UBR1: variants seen among roughly 807,000 people sequenced by gnomAD.
UBR1 encodes the protein E3 ubiquitin-protein ligase UBR1.
UBR1 carries 102 observed loss-of-function variants against 242.1 expected under a neutral mutation model. That is an observed-to-expected ratio of 0.42 (90% CI 0.36 to 0.50). UBR1 has a LOEUF of 0.50. Ranked by LOEUF, UBR1 falls within the 20% of genes least tolerant of loss-of-function variation. The pLI is 0.01. For synonymous variants in UBR1, 675 were observed against 684.8 expected (o/e 0.99, Z 0.22); for missense variants, 1,772 against 2,101.8 (o/e 0.84, Z 3.07).
chr15:42,946,369 G>T (rs988399304), intron 46 of UBR1, among the ~76,000 whole-genome samples: 1 of 152,054 alleles, frequency 6.6e-6, no homozygotes, highest in Non-Finnish European at 1.5e-5. Context: ...CTCGTGATCC[G>T]CCCGCCTCGG....
At chr15:42,980,583 T>A (rs1276798135) in intron 37 of UBR1, among the ~76,000 whole-genome samples, 1 of 151,448 alleles carries the variant, frequency 6.6e-6, no homozygotes, top group Non-Finnish European at 1.5e-5. Flanking sequence ...GTATGTCCTA[T>A]CTATCTATCC....
At position 42,977,807 on chromosome 15, in the gene UBR1, G is replaced by C. The variant is rs1407420414; in HGVS notation, c.4218+73C>G. 4 of 1,268,672 alleles carry C rather than the reference G, an allele frequency of 3.2e-6. No homozygotes were observed. In the East Asian group the frequency reaches 7.0e-5, roughly 22 times the overall value. 78.6% of individuals were successfully genotyped at this position (1,268,672 alleles called of 1,614,324 possible). A position where few individuals can be genotyped will look rare whatever the true frequency, so the allele number is the denominator to read the frequency against. On this transcript the variant is annotated intron_variant, in intron 38 of 46. Coordinates refer to ENST00000290650, the MANE Select transcript of UBR1 (RefSeq NM_174916.3). Reference sequence around the variant, plus strand: ...AAGAATTTATAATCTTGAACAAAGGGCATGAATTTAAATGAGGAAAATACA... The same window carrying C: ...AAGAATTTATAATCTTGAACAAAGGCCATGAATTTAAATGAGGAAAATACA...
chr15:42,946,425 T>A (rs1019861148), intron 46 of UBR1, among the ~76,000 whole-genome samples: 1 of 152,154 alleles, frequency 6.6e-6, no homozygotes, highest in Non-Finnish European at 1.5e-5. Context: ...CGCGGCCGCC[T>A]GGTTGGGGAT....
intron 33 of UBR1, among the ~76,000 whole-genome samples, chr15:42,997,606 G>A (rs1397145230): frequency 6.6e-6 from 1 of 152,156 alleles, no homozygotes; most frequent in African/African-American, 2.4e-5. Flanking sequence ...TAAAGAATAT[G>A]TAAATAAGAT....
At chr15:43,024,429 T>A (rs1015773761) in intron 25 of UBR1, among the ~76,000 whole-genome samples, 11 of 152,176 alleles carry the variant, frequency 7.2e-5, no homozygotes, top group African/African-American at 2.7e-4. Context: ...TCCATTTTAC[T>A]AATGAGAAAA....
chr15:43,030,137 G>A (rs2033235588), intron 20 of UBR1, 69 bp from the exon 21 acceptor site: 1 of 1,535,530 alleles, frequency 6.5e-7, no homozygotes, highest in African/African-American at 1.4e-5. Flanking sequence ...CTCCCCATCA[G>A]AAGCACTTAC....
chr15:43,006,886 AT>A (rs949583695), intron 30 of UBR1, among the ~76,000 whole-genome samples, 192 bp downstream of exon 30: 1 of 152,246 alleles, frequency 6.6e-6, no homozygotes, highest in African/African-American at 2.4e-5. Flanking sequence ...AATTGAAGAC[AT>A]TTTGAGAACT....
chr15:43,013,928 C>A (rs2032965105), intron 29 of UBR1, among the ~76,000 whole-genome samples: 1 of 151,818 alleles, frequency 6.6e-6, no homozygotes, highest in Non-Finnish European at 1.5e-5. Flanking sequence ...CCCTCTGATG[C>A]CGAGCTGAAG....
chr15:43,060,912 C>T (rs1215612151), intron 6 of UBR1, among the ~76,000 whole-genome samples: 3 of 146,556 alleles, frequency 2.0e-5, no homozygotes, highest in Admixed American at 1.4e-4. Context: ...ATTTGGACTA[C>T]TAATTACACC....
At chr15:42,981,420 G>A (rs2032376394) in intron 37 of UBR1, among the ~76,000 whole-genome samples, 1 of 152,000 alleles carries the variant, frequency 6.6e-6, no homozygotes, top group South Asian at 2.1e-4. Flanking sequence ...TCCCTTCAAG[G>A]CTCAGTTCAA....
At chr15:43,010,799 C>A (rs1404117202) in intron 29 of UBR1, among the ~76,000 whole-genome samples, 1 of 147,324 alleles carries the variant, frequency 6.8e-6, no homozygotes, top group African/African-American at 2.5e-5. Flanking sequence ...ATGGTGAAAC[C>A]CCATCTCTAC....
intron 2 of UBR1, among the ~76,000 whole-genome samples, chr15:43,082,943 T>G (rs1275030277): frequency 2.6e-5 from 4 of 152,098 alleles, no homozygotes; most frequent in African/African-American, 9.6e-5. Flanking sequence ...TGTTTGGTTT[T>G]CTTTCTGAAA....
chr15:43,017,431 T>A (rs2033042844), intron 27 of UBR1, among the ~76,000 whole-genome samples: 1 of 152,230 alleles, frequency 6.6e-6, no homozygotes. Context: ...CATGCCTCTG[T>A]TAGCTTTCAA....
rs563488945 is a variant in UBR1, at chr15:43,084,964, T to C, written c.338+1020A>G. On this transcript the variant is annotated intron_variant, in intron 2 of 46. Transcript: ENST00000290650. ...TCAAATTTCAGGCAGAGGTAAGGAG[T>C]AAAAACATTCTCTGTGCTGTCACGA... Among the ~76,000 whole-genome samples the C allele has an allele frequency of 6.6e-5, 10 of 152,164 alleles. No individual in the cohort carries two copies. The East Asian group carries it at 1.9e-3, about 29-fold the overall frequency.
At chr15:42,985,926 G>C (rs1334283875) in intron 35 of UBR1, among the ~76,000 whole-genome samples, 1 of 147,090 alleles carries the variant, frequency 6.8e-6, no homozygotes, top group Admixed American at 6.8e-5. Flanking sequence ...GGAGGCTAAG[G>C]CTGCAGTGAG....
chr15:42,960,002 A>G (rs1368617935), intron 43 of UBR1, among the ~76,000 whole-genome samples: 1 of 152,252 alleles, frequency 6.6e-6, no homozygotes, highest in Non-Finnish European at 1.5e-5. Flanking sequence ...CACCGTATAC[A>G]ATACCAGTCA....
intron 32 of UBR1, among the ~76,000 whole-genome samples, 169 bp from the exon 33 acceptor site, chr15:42,998,434 G>C (rs754474245): frequency 6.6e-6 from 1 of 152,104 alleles, no homozygotes. Context: ...TTTTTGGAAG[G>C]GGAAGGAAAT....
At chr15:42,984,463 C>T (rs1014737588) in intron 36 of UBR1, among the ~76,000 whole-genome samples, 4 of 152,138 alleles carry the variant, frequency 2.6e-5, no homozygotes, top group African/African-American at 9.7e-5. Flanking sequence ...TAGAGTCCTA[C>T]AGTAGTGTCA....
intron 12 of UBR1, among the ~76,000 whole-genome samples, chr15:43,050,274 C>T (rs557653705): frequency 2.6e-5 from 4 of 152,248 alleles, no homozygotes; most frequent in African/African-American, 7.2e-5. Context: ...AGATGATTTG[C>T]TTCTGCACAG....
Sources: gnomAD v4.1 joint callset for allele counts (sites outside exome capture counted in the v4.1 genomes callset) on GRCh38, gnomAD v4.1.1 for gene constraint, MANE v1.5 for transcripts, NCBI Gene and HGNC (gene_info 2026-07-23, HGNC 2026-07-21) for gene names.